Variants in FAM13B observed in about 807,000 individuals in gnomAD.
FAM13B encodes protein FAM13B.
FAM13B carries 60 observed loss-of-function variants against 117.3 expected under a neutral mutation model. That is an observed-to-expected ratio of 0.51 (90% CI 0.42 to 0.63). FAM13B has a LOEUF of 0.63. Ranked by LOEUF, FAM13B falls within the 30% of genes least tolerant of loss-of-function variation. The probability of loss-of-function intolerance (pLI) is 0.00; values close to 1 mark genes in which losing one functional copy is unlikely to be tolerated. For missense variants in FAM13B, 972 were observed against 1,091.9 expected (o/e 0.89, Z 1.55); for synonymous variants, 332 against 356.1 (o/e 0.93, Z 0.76).
rs34017129 is a variant in FAM13B, at chr5:138,014,446, AT to A, written c.371-2502del. 5.1e-3 allele frequency among the ~76,000 whole-genome samples: 774 copies of A among 152,324 alleles called. 4 individuals carry two copies. The highest frequency in any genetic ancestry group is 8.8e-3 in the Non-Finnish European group (602 of 68,030). On this transcript the variant is annotated intron_variant, in intron 4 of 23. Transcript: ENST00000689681. ...TGAACTATGCATGCAAGGGATCTAGATGTACATTCTTTATGAGAATCTGATG... is the reference window on the plus strand; with the variant it reads ...TGAACTATGCATGCAAGGGATCTAGAGTACATTCTTTATGAGAATCTGATG...
chr5:138,018,518 C>T lies in FAM13B; in HGVS notation c.158-4G>A, dbSNP rs764411696. 2.3e-5 allele frequency: 37 copies of T among 1,613,200 alleles called. No individual in the cohort carries two copies. The highest frequency in any genetic ancestry group is 1.6e-4 in the Middle Eastern group (1 of 6,082). ...AGTCCTTGTTGCTCCAGACCTCCTA[C>T]GTTAGTTCAAGGCAATCATTCAATA... On this transcript the variant is annotated splice_polypyrimidine_tract_variant and splice_region_variant and intron_variant, in intron 3 of 23. Transcript: ENST00000689681.
intron 10 of FAM13B, among the ~76,000 whole-genome samples, chr5:137,976,498 A>C (rs950314954): frequency 2.0e-5 from 3 of 152,204 alleles, no homozygotes; most frequent in African/African-American, 7.2e-5. Context: ...AGAACATATG[A>C]AGAAAAGTAA....
In FAM13B at chr5:137,940,229, A is replaced by T; in HGVS notation, c.2810T>A (p.Ile937Lys). Residue 937 changes from isoleucine (I) to lysine (K), a missense_variant, in exon 24 of 24, where the codon ATA (isoleucine) becomes AAA (lysine). By Grantham distance (102) the Ile-to-Lys change is moderately radical. Transcript: ENST00000689681. Reference sequence around the variant, plus strand: ...TGAATTTTCAAGGAACGTATCTTATATGGATTTTGAAGAATCTTGTTTGCT... The same window carrying T: ...TGAATTTTCAAGGAACGTATCTTATTTGGATTTTGAAGAATCTTGTTTGCT... The part of the protein sequence containing the change: ...LISKQDSSKS[I>K] The T allele has an allele frequency of 1.2e-6, 2 of 1,614,036 alleles. No individual in the cohort carries two copies. Among genetic ancestry groups the T allele is most frequent in the East Asian group, 4.5e-5 (2 of 44,870 alleles).
intron 10 of FAM13B, among the ~76,000 whole-genome samples, chr5:137,963,797 C>T (rs1022882798): frequency 2.0e-5 from 3 of 152,122 alleles, no homozygotes; most frequent in Admixed American, 1.3e-4. Context: ...GAGGCATGGA[C>T]CCTATTGTGA....
At chr5:137,999,119 T>TA (rs1780565015) in intron 7 of FAM13B, among the ~76,000 whole-genome samples, 1 of 148,410 alleles carries the variant, frequency 6.7e-6, no homozygotes, top group Admixed American at 6.7e-5. Flanking sequence ...TTTTTTTTTG[T>TA]CTTTTTTTTT....
upstream of FAM13B, among the ~76,000 whole-genome samples, chr5:138,033,494 G>T (rs1790734384): frequency 6.6e-6 from 1 of 152,188 alleles, no homozygotes; most frequent in Non-Finnish European, 1.5e-5. Context: ...CCCATTCCCA[G>T]AGATGTGAGT....
chr5:137,959,668 G>A lies in FAM13B; in HGVS notation c.1389C>T (p.Val463=). The stretch of plus-strand genomic sequence containing the variant: ...TCTTCAGATCTAAATGTGGAATACT[G>A]ACACACGCTGCTTCCCCTTGAACAC... The part of the protein sequence containing the change: ...SVGVQGEAAC[V]SIPHLDLKNV... Residue 463 remains valine, a synonymous_variant, in exon 13 of 24, where the codon GTC becomes GTT. Transcript: ENST00000689681. 2.5e-6 allele frequency: 4 copies of A among 1,613,976 alleles called. No individual in the cohort carries two copies. Among genetic ancestry groups the A allele is most frequent in the Non-Finnish European group, 3.4e-6 (4 of 1,179,872 alleles).
At chr5:138,019,689 T>C (rs973058738) in intron 2 of FAM13B, among the ~76,000 whole-genome samples, 6 of 152,182 alleles carry the variant, frequency 3.9e-5, no homozygotes, top group Non-Finnish European at 5.9e-5. Flanking sequence ...TAAATTTTTT[T>C]TTTTTTTTGA....
intron 13 of FAM13B, among the ~76,000 whole-genome samples, chr5:137,958,870 A>AT (rs553128553): frequency 1.3e-5 from 2 of 152,222 alleles, no homozygotes; most frequent in Admixed American, 1.3e-4. Flanking sequence ...TAACCATCTT[A>AT]TTTTTTTCAT....
chr5:138,049,091 G>A (rs765442308), intron 1 of FAM13B, among the ~76,000 whole-genome samples: 20 of 152,078 alleles, frequency 1.3e-4, no homozygotes, highest in Middle Eastern at 6.8e-3. Flanking sequence ...ACAGGCGTGC[G>A]CCACCGCGCC....
chr5:138,026,753 A>C (rs1419040053), intron 1 of FAM13B, among the ~76,000 whole-genome samples: 1 of 150,980 alleles, frequency 6.6e-6, no homozygotes, highest in Non-Finnish European at 1.5e-5. Flanking sequence ...CAGCCTGGCC[A>C]ACATGGTAAA....
intron 10 of FAM13B, among the ~76,000 whole-genome samples, chr5:137,978,726 A>T (rs1774764936): frequency 6.6e-6 from 1 of 152,188 alleles, no homozygotes; most frequent in Non-Finnish European, 1.5e-5. Context: ...GCTAGAATAC[A>T]GAGGTTCCCC....
intron 16 of FAM13B, 73 bp from the exon 17 acceptor site, chr5:137,952,782 ATT>A: frequency 1.1e-6 from 1 of 873,600 alleles, no homozygotes; most frequent in Non-Finnish European, 1.8e-6. Flanking sequence ...TCCAAATAGT[ATT>A]TTACAATTCC....
intron 7 of FAM13B, 148 bp downstream of exon 7, chr5:138,006,842 G>A: frequency 1.5e-6 from 1 of 662,146 alleles, no homozygotes; most frequent in Non-Finnish European, 2.4e-6. Flanking sequence ...TAGCAAGACT[G>A]CATCTTTAAA....
intron 17 of FAM13B, 96 bp downstream of exon 17, chr5:137,952,532 A>T: frequency 1.2e-6 from 1 of 836,634 alleles, no homozygotes. Context: ...AGTGCCCAAG[A>T]TTTAAAATTA....
intron 1 of FAM13B, among the ~76,000 whole-genome samples, chr5:138,026,736 T>G (rs1293130977): frequency 6.7e-6 from 1 of 149,854 alleles, no homozygotes; most frequent in Non-Finnish European, 1.5e-5. Context: ...GATCAGGAGT[T>G]CAAGACCAGC....
intron 10 of FAM13B, among the ~76,000 whole-genome samples, chr5:137,981,615 G>A (rs915440818): frequency 1.2e-4 from 19 of 152,080 alleles, no homozygotes; most frequent in Non-Finnish European, 1.2e-4. Context: ...GTGAAACCCC[G>A]TCTCTACTAA....
intron 13 of FAM13B, among the ~76,000 whole-genome samples, chr5:137,958,769 T>C (rs890427485): frequency 6.6e-6 from 1 of 152,222 alleles, no homozygotes; most frequent in African/African-American, 2.4e-5. Flanking sequence ...ATAGCAAAAT[T>C]GAAAGAACTT....
At chr5:137,999,445 A>G (rs7721970) in intron 7 of FAM13B, among the ~76,000 whole-genome samples, 148,629 of 151,640 alleles carry the variant, frequency 0.98, 72,908 homozygotes, top group Non-Finnish European at 1. Context: ...GTGTGGTGGC[A>G]CGCACCTGTA....
Sources: allele counts gnomAD v4.1 joint callset (sites outside exome capture counted in the v4.1 genomes callset), GRCh38; gene constraint gnomAD v4.1.1; transcripts MANE v1.5; gene names NCBI Gene and HGNC (gene_info 2026-07-23, HGNC 2026-07-21).